PCDHGA2: variants seen among roughly 807,000 people sequenced by gnomAD.
The protein encoded by PCDHGA2 is protocadherin gamma subfamily A, 2.
A neutral mutation model predicts 59.2 loss-of-function variants in PCDHGA2; 40 were observed. The observed-to-expected ratio is 0.68, with a 90% CI of 0.52 to 0.88. The LOEUF is 0.88. PCDHGA2 is among the 40% of genes least tolerant of loss of function. The probability of loss-of-function intolerance (pLI) is 0.00; values close to 1 mark genes in which losing one functional copy is unlikely to be tolerated. For missense variants in PCDHGA2, 1,226 were observed against 1,204.0 expected (o/e 1.02, Z -0.27); for synonymous variants, 560 against 526.0 (o/e 1.06, Z -0.89).
chr5:141,393,684 T>A, intron 1 of PCDHGA2: 1 of 1,613,904 alleles, frequency 6.2e-7, no homozygotes, highest in Non-Finnish European at 8.5e-7. Flanking sequence ...ACAAACTCCG[T>A]TATTCCAGCT....
At position 141,491,605 on chromosome 5, in the gene PCDHGA2, T is replaced by C; in HGVS notation, c.2425-3202T>C. On this transcript the variant is annotated intron_variant, in intron 1 of 3. Coordinates refer to ENST00000394576, the MANE Select transcript of PCDHGA2 (RefSeq NM_018915.4). This position sits in a 1 kb window ranked among gnomAD's most constrained non-coding sequence, Gnocchi z 6.9. Reference sequence around the variant, plus strand: ...GGCCTCGGACGGCAGTGACTTCACTTTTCTAAGACCCCTCAGCGTTCAGCA... The same window carrying C: ...GGCCTCGGACGGCAGTGACTTCACTCTTCTAAGACCCCTCAGCGTTCAGCA... 6.2e-7 allele frequency: 1 copy of C among 1,613,868 alleles called. No individual in the cohort carries two copies. Among genetic ancestry groups the C allele is most frequent in the East Asian group, 2.2e-5 (1 of 44,858 alleles).
Position 141,339,590 on chromosome 5 carries a change from G to A in PCDHGA2, c.619G>A (p.Val207Ile). The stretch of plus-strand genomic sequence containing the variant: ...CTCTCTGGACCGCGAGGAAGAGGCT[G>A]TTCACCACCTCGTTCTCGTGGCTTC... ...ERSLDREEEA[V>I]HHLVLVASDG... Residue 207 changes from valine to isoleucine, a missense_variant, in exon 1 of 4, where the codon GTT becomes ATT. Coordinates refer to ENST00000394576, the MANE Select transcript of PCDHGA2 (RefSeq NM_018915.4). 1 of 1,614,204 alleles carries A rather than the reference G, an allele frequency of 6.2e-7. No homozygotes were observed. The highest frequency in any genetic ancestry group is 8.5e-7 in the Non-Finnish European group (1 of 1,180,026).
At chr5:141,483,273 T>G (rs6860615) in intron 1 of PCDHGA2, among the ~76,000 whole-genome samples, 62,442 of 151,936 alleles carry the variant, frequency 0.41, 15,417 homozygotes, top group African/African-American at 0.7. Flanking sequence ...GTTTTAGAAA[T>G]ATTATTCTGT....
intron 1 of PCDHGA2, chr5:141,430,796 C>T (rs1347347402): frequency 6.6e-6 from 10 of 1,522,232 alleles, no homozygotes; most frequent in Non-Finnish European, 8.8e-6. Flanking sequence ...CTACAAAGGG[C>T]TTGTCCTGCT....
At chr5:141,452,524 C>T (rs542476667) in intron 1 of PCDHGA2, among the ~76,000 whole-genome samples, 83 of 152,294 alleles carry the variant, frequency 5.4e-4, no homozygotes, top group African/African-American at 1.9e-3. Flanking sequence ...CCCTCAAAAT[C>T]GTGAGTTCAT....
At chr5:141,445,357 G>A (rs115045385) in intron 1 of PCDHGA2, among the ~76,000 whole-genome samples, 18 of 152,258 alleles carry the variant, frequency 1.2e-4, no homozygotes, top group Admixed American at 1.1e-3. Context: ...GTCTGCCCAA[G>A]TCTGGTCCTG....
At chr5:141,404,319 C>T in intron 1 of PCDHGA2, 3 of 1,613,900 alleles carry the variant, frequency 1.9e-6, no homozygotes, top group East Asian at 4.5e-5. Context: ...TCTCAAGCCT[C>T]CTACTCAGTC....
In PCDHGA2 at chr5:141,432,677, C is replaced by T. The variant is rs1241190176; in HGVS notation, c.2425-62130C>T. On this transcript the variant is annotated intron_variant, in intron 1 of 3. Transcript: ENST00000394576. This position sits in a 1 kb window ranked among gnomAD's most constrained non-coding sequence, Gnocchi z 6.0. ...CCTGCTGGACAGAGACGCGCTCAAGCAGAGCCTCGTAGTGGCCGTCCAGGA... is the reference window on the plus strand; with the variant it reads ...CCTGCTGGACAGAGACGCGCTCAAGTAGAGCCTCGTAGTGGCCGTCCAGGA... The T allele has an allele frequency of 1.2e-6, 2 of 1,613,942 alleles. No individual in the cohort carries two copies. The highest frequency in any genetic ancestry group is 1.1e-5 in the South Asian group (1 of 91,076).
At chr5:141,502,953 C>G (rs145774277) in intron 2 of PCDHGA2, among the ~76,000 whole-genome samples, 1,594 of 147,762 alleles carry the variant, frequency 0.011, 24 homozygotes, top group African/African-American at 0.037. Context: ...AAGCGATTCT[C>G]CTGCCTCAGC....
chr5:141,404,214 C>A, intron 1 of PCDHGA2: 1 of 1,613,562 alleles, frequency 6.2e-7, no homozygotes, highest in Non-Finnish European at 8.5e-7. Flanking sequence ...TATAATATCA[C>A]GGTGACTGCA....
intron 1 of PCDHGA2, chr5:141,421,999 TC>T: frequency 9.9e-6 from 16 of 1,609,214 alleles, no homozygotes; most frequent in Non-Finnish European, 1.4e-5. Context: ...AAACATCAGC[TC>T]CGGAACTCGG....
intron 1 of PCDHGA2, among the ~76,000 whole-genome samples, chr5:141,455,519 G>T (rs1439363688): frequency 1.3e-5 from 2 of 152,158 alleles, no homozygotes; most frequent in East Asian, 3.9e-4. Flanking sequence ...TCAGGGGATT[G>T]GTTTGACCAG....
At chr5:141,346,139 C>G in intron 1 of PCDHGA2, 1 of 1,613,984 alleles carries the variant, frequency 6.2e-7, no homozygotes, top group Non-Finnish European at 8.5e-7. Context: ...CGGTCTCCTG[C>G]GTCTTCCTGG....
rs760333566 is a variant in PCDHGA2, at chr5:141,345,786, G to A, written c.2424+4391G>A. Reference sequence around the variant, plus strand: ...GCTGGCGCCTCGCTCCGCAGAGCCCGGCTACCTGGTGACCAAGGTGGTGGC... The same window carrying A: ...GCTGGCGCCTCGCTCCGCAGAGCCCAGCTACCTGGTGACCAAGGTGGTGGC... On this transcript the variant is annotated intron_variant, in intron 1 of 3. Coordinates refer to ENST00000394576, the MANE Select transcript of PCDHGA2 (RefSeq NM_018915.4). 5.0e-6 allele frequency: 8 copies of A among 1,613,976 alleles called. No individual in the cohort carries two copies. The highest frequency in any genetic ancestry group is 2.7e-5 in the African/African-American group (2 of 74,928).
In PCDHGA2 at chr5:141,431,675, G is replaced by A. The variant is rs778040824; in HGVS notation, c.2425-63132G>A. Reference sequence around the variant, plus strand: ...TTCAGGGACAATATCAACAATAGGGGAGTTGGACCACGAGGAGTCAGGATT... The same window carrying A: ...TTCAGGGACAATATCAACAATAGGGAAGTTGGACCACGAGGAGTCAGGATT... On this transcript the variant is annotated intron_variant, in intron 1 of 3. Coordinates refer to ENST00000394576, the MANE Select transcript of PCDHGA2 (RefSeq NM_018915.4). The surrounding 1 kb of genome is among the most constrained non-coding windows in gnomAD (Gnocchi z 4.8). 5.6e-6 allele frequency: 9 copies of A among 1,614,230 alleles called. No homozygotes were observed. Among genetic ancestry groups the A allele is most frequent in the Admixed American group, 1.7e-5 (1 of 60,028 alleles).
Position 141,476,562 on chromosome 5 carries a change from C to G in PCDHGA2, c.2425-18245C>G. 1 of 1,614,218 alleles carries G rather than the reference C, an allele frequency of 6.2e-7. No individual in the cohort carries two copies. The highest frequency in any genetic ancestry group is 1.1e-5 in the South Asian group (1 of 91,088). On this transcript the variant is annotated intron_variant, in intron 1 of 3. Transcript: ENST00000394576. This position sits in a 1 kb window ranked among gnomAD's most constrained non-coding sequence, Gnocchi z 7.6. The stretch of plus-strand genomic sequence containing the variant: ...AAATTGGAGATTAGCGAGGCCGTGG[C>G]TCCGGGGACGCGCTTTCCGCTCGAG...
chr5:141,461,124 A>G (rs992107268), intron 1 of PCDHGA2, among the ~76,000 whole-genome samples: 1 of 151,978 alleles, frequency 6.6e-6, no homozygotes, highest in Admixed American at 6.6e-5. Context: ...TTTTTCATAT[A>G]ATTACTTATT....
In PCDHGA2 at chr5:141,360,206, T is replaced by C. The variant is rs370543989; in HGVS notation, c.2424+18811T>C. The C allele has an allele frequency of 1.1e-5, 17 of 1,612,996 alleles. No homozygotes were observed. The highest frequency in any genetic ancestry group is 1.4e-5 in the Non-Finnish European group (16 of 1,179,490). On this transcript the variant is annotated intron_variant, in intron 1 of 3. Transcript: ENST00000394576. ...GTACTGTTGCCCTTCCTGTTGTCTT[T>C]GTTCCCCGGGGCTCTCCCAGTCCAG...
At chr5:141,414,861 T>C in intron 1 of PCDHGA2, 1 of 1,614,118 alleles carries the variant, frequency 6.2e-7, no homozygotes, top group Admixed American at 1.7e-5. Context: ...AGAACGACAA[T>C]GCGCCCGAGA....
Sources: gnomAD v4.1 joint callset for allele counts (sites outside exome capture counted in the v4.1 genomes callset) on GRCh38, gnomAD v4.1.1 for gene constraint, Gnocchi (gnomAD v3.1) non-coding constraint, MANE v1.5 for transcripts, NCBI Gene and HGNC (gene_info 2026-07-23, HGNC 2026-07-21) for gene names.